Variants in TMOD1 observed in about 807,000 individuals in gnomAD.
The protein encoded by TMOD1 is tropomodulin 1.
In TMOD1, 17 loss-of-function variants were observed where a neutral mutation model predicts 40.6. The observed-to-expected ratio is 0.42, with a 90% CI of 0.29 to 0.63. The LOEUF (loss-of-function observed/expected upper bound fraction) is 0.63, where lower values mean the gene tolerates loss of function less well. Ranked by LOEUF, TMOD1 falls within the 20% of genes least tolerant of loss-of-function variation. The pLI, the probability that TMOD1 is intolerant of heterozygous loss-of-function variation, is 0.22. For missense variants in TMOD1, 391 were observed against 447.6 expected (o/e 0.87, Z 1.14); for synonymous variants, 181 against 175.0 (o/e 1.03, Z -0.27).
chr9:97,562,046 T>G (rs146667934), intron 4 of TMOD1, among the ~76,000 whole-genome samples: 6 of 152,358 alleles, frequency 3.9e-5, no homozygotes, highest in African/African-American at 1.4e-4. Flanking sequence ...GTCTTTCTTA[T>G]TCTCCACTGT....
At chr9:97,563,641 A>T (rs896834089) in intron 5 of TMOD1, among the ~76,000 whole-genome samples, 1 of 152,116 alleles carries the variant, frequency 6.6e-6, no homozygotes, top group African/African-American at 2.4e-5. Flanking sequence ...AACAGAAATG[A>T]GGCTGCCAAA....
rs575952860 is a variant in TMOD1 at position 97,546,790 on chromosome 9, A to G, written c.277+449A>G. On this transcript the variant is annotated intron_variant, in intron 3 of 9. Transcript: ENST00000259365. Reference sequence around the variant, plus strand: ...CTAAAAATACAAAAATTAGCCGAGCATGGTGGCACGAGCCTGTAGTCCCAG... The same window carrying G: ...CTAAAAATACAAAAATTAGCCGAGCGTGGTGGCACGAGCCTGTAGTCCCAG... Among the ~76,000 whole-genome samples, 59 of 152,064 alleles carry G rather than the reference A, an allele frequency of 3.9e-4. 1 individual carries two copies. The South Asian group carries it at 0.012, about 32-fold the overall frequency.
chr9:97,539,336 G>A (rs1468918910), intron 2 of TMOD1, among the ~76,000 whole-genome samples: 7 of 152,202 alleles, frequency 4.6e-5, no homozygotes, highest in East Asian at 3.8e-4. Context: ...TGAGTAGCCC[G>A]GGTGTGAGAG....
At position 97,532,419 on chromosome 9, in the gene TMOD1, C is replaced by G. The variant is rs569522192; in HGVS notation, c.120+8111C>G. 1.4e-3 allele frequency among the ~76,000 whole-genome samples: 214 copies of G among 152,296 alleles called. 1 individual carries two copies. The highest frequency in any genetic ancestry group is 4.6e-3 in the African/African-American group (191 of 41,546). On this transcript the variant is annotated intron_variant, in intron 2 of 9. Transcript: ENST00000259365. ...ACCTTTCCTCCCCTCCCTCGGGAAG[C>G]CTTTTAGACTCTTTCACCTTCACAC... is the stretch of plus-strand genomic sequence containing the variant.
chr9:97,542,773 C>T (rs1830292778), intron 2 of TMOD1, among the ~76,000 whole-genome samples: 1 of 150,636 alleles, frequency 6.6e-6, no homozygotes, highest in South Asian at 2.1e-4. Context: ...TTGCTTGAAC[C>T]CGGGAGGCAG....
chr9:97,517,696 A>G (rs1829837099), intron 1 of TMOD1: 1 of 152,870 alleles, frequency 6.5e-6, no homozygotes, highest in Admixed American at 6.5e-5. Flanking sequence ...AAGAGGGCAG[A>G]GCCCAGAGAA....
At chr9:97,592,428 T>G (rs1051896233) in intron 9 of TMOD1, among the ~76,000 whole-genome samples, 3 of 113,364 alleles carry the variant, frequency 2.6e-5, no homozygotes, top group African/African-American at 1.1e-4. Flanking sequence ...ATAATGAGTT[T>G]GAAAAAAAAA....
At position 97,600,760 on chromosome 9, in the gene TMOD1, A is replaced by ACC. The variant is rs1826239316; in HGVS notation, c.*1063_*1064dup. The ACC allele has an allele frequency of 3.0e-6, 3 of 1,006,698 alleles. No homozygotes were observed. Among genetic ancestry groups the ACC allele is most frequent in the Non-Finnish European group, 3.6e-6 (3 of 842,646 alleles). The allele number at this position is 1,006,698 out of a possible 1,614,324, so 62.4% of individuals were successfully genotyped here. ...CAAGGAATTGGGAAATCCTGGCCAAACCACCCCAAGATGATTACACTGAAA... is the reference window on the plus strand; with the variant it reads ...CAAGGAATTGGGAAATCCTGGCCAAACCCCACCCCAAGATGATTACACTGAAA... On this transcript the variant is annotated 3_prime_UTR_variant, in exon 10 of 10. Transcript: ENST00000259365.
chr9:97,539,694 A>T (rs1830245071), intron 2 of TMOD1, among the ~76,000 whole-genome samples: 1 of 152,114 alleles, frequency 6.6e-6, no homozygotes, highest in South Asian at 2.1e-4. Context: ...AGCCCGGGTG[A>T]GGTGGCTCAC....
intron 3 of TMOD1, among the ~76,000 whole-genome samples, chr9:97,547,637 G>A (rs920120429): frequency 3.9e-5 from 6 of 152,150 alleles, no homozygotes; most frequent in Non-Finnish European, 8.8e-5. Flanking sequence ...TTGTCCTTTG[G>A]GTCTCAACTG....
At chr9:97,519,336 C>T (rs1027958944) in intron 1 of TMOD1, among the ~76,000 whole-genome samples, 7 of 152,182 alleles carry the variant, frequency 4.6e-5, no homozygotes, top group African/African-American at 1.2e-4. Flanking sequence ...TCATATTTAA[C>T]GGAGGCTTAA....
At chr9:97,555,497 CT>C in intron 4 of TMOD1, 1 of 1,442,880 alleles carries the variant, frequency 6.9e-7, no homozygotes, top group Non-Finnish European at 9.1e-7. Context: ...AACTACTTCT[CT>C]TTATTTTTGT....
intron 8 of TMOD1, among the ~76,000 whole-genome samples, chr9:97,586,730 G>C (rs544174324): frequency 6.6e-6 from 1 of 152,226 alleles, no homozygotes; most frequent in South Asian, 2.1e-4. Flanking sequence ...TAAGCCCGTC[G>C]GAAAAGCGCA....
intron 3 of TMOD1, among the ~76,000 whole-genome samples, chr9:97,551,008 ATATATATTTTTTTT>A (rs1412204694): frequency 1.5e-4 from 7 of 45,460 alleles, no homozygotes; most frequent in African/African-American, 1.1e-3. Context: ...ATATATATAT[ATATATATTTTTTTT>A]TTTTTTTTTT....
intron 2 of TMOD1, among the ~76,000 whole-genome samples, chr9:97,537,791 T>C (rs77892917): frequency 0.023 from 3,500 of 152,330 alleles, 141 homozygotes; most frequent in African/African-American, 0.079. Context: ...GTATACCTCT[T>C]GCTTTCTCTA....
intron 8 of TMOD1, among the ~76,000 whole-genome samples, chr9:97,590,338 C>G (rs531239881): frequency 6.6e-6 from 1 of 152,128 alleles, no homozygotes; most frequent in African/African-American, 2.4e-5. Context: ...ATTCTCCTGC[C>G]TCAGCCTCCC....
chr9:97,526,724 G>A (rs1274740007), intron 2 of TMOD1, among the ~76,000 whole-genome samples: 2 of 152,086 alleles, frequency 1.3e-5, no homozygotes, highest in Non-Finnish European at 2.9e-5. Flanking sequence ...TAGGTGTTTC[G>A]CTTCCAATCC....
At chr9:97,559,799 ATATATATATATATATATATATATATG>A (rs1830602125) in intron 4 of TMOD1, among the ~76,000 whole-genome samples, 7 of 27,720 alleles carry the variant, frequency 2.5e-4, no homozygotes, top group East Asian at 2.3e-3. Flanking sequence ...AAAAAAATAT[ATATATATATATATATATATATATATG>A]TCTATCTATC....
At chr9:97,559,962 T>C (rs1216358764) in intron 4 of TMOD1, among the ~76,000 whole-genome samples, 1 of 150,738 alleles carries the variant, frequency 6.6e-6, no homozygotes, top group African/African-American at 2.4e-5. Context: ...TGGTCTTGTC[T>C]CAAGCCCTCA....
Sources: gnomAD v4.1 joint callset for allele counts (sites outside exome capture counted in the v4.1 genomes callset) on GRCh38, gnomAD v4.1.1 for gene constraint, MANE v1.5 for transcripts, NCBI Gene and HGNC (gene_info 2026-07-23, HGNC 2026-07-21) for gene names.